The following RBFOX1 variants were observed in gnomAD, a reference collection of about 807,000 sequenced individuals.
The protein encoded by RBFOX1 is RNA binding protein fox-1 homolog 1.
Under a neutral mutation model 57.7 loss-of-function variants are expected in RBFOX1, and 8 were observed. That is an observed-to-expected ratio of 0.14 (90% CI 0.08 to 0.25). The LOEUF is 0.25. Among genes scored for constraint, RBFOX1 ranks in the 10% least tolerant of loss-of-function variants. RBFOX1 has a pLI of 1.00. For missense variants in RBFOX1, 611 were observed against 548.5 expected (o/e 1.11, Z -1.14); for synonymous variants, 326 against 222.4 (o/e 1.47, Z -4.15).
intron 4 of RBFOX1, among the ~76,000 whole-genome samples, chr16:7,283,157 G>A (rs1201258553): frequency 6.6e-6 from 1 of 151,974 alleles, no homozygotes; most frequent in Non-Finnish European, 1.5e-5. Flanking sequence ...CTACATTTAG[G>A]TCTTTAAGGA....
At chr16:7,470,283 G>A (rs769570516) in intron 4 of RBFOX1, among the ~76,000 whole-genome samples, 4 of 152,190 alleles carry the variant, frequency 2.6e-5, no homozygotes, top group Non-Finnish European at 5.9e-5. Context: ...CTTAGTGCAG[G>A]TGCCCTGCCA....
intron 4 of RBFOX1, among the ~76,000 whole-genome samples, chr16:7,138,733 A>G (rs1242828039): frequency 6.6e-6 from 1 of 152,188 alleles, no homozygotes; most frequent in Non-Finnish European, 1.5e-5. Flanking sequence ...TGCAGGCCGT[A>G]TGCTTGAGAC....
intron 3 of RBFOX1, among the ~76,000 whole-genome samples, chr16:5,833,356 A>G (rs946274891): frequency 6.6e-6 from 1 of 151,968 alleles, no homozygotes; most frequent in Non-Finnish European, 1.5e-5. Context: ...TTAGCCGGGC[A>G]TGGTGGCAGG....
At chr16:6,788,431 C>T (rs537342766) in intron 3 of RBFOX1, among the ~76,000 whole-genome samples, 5 of 151,384 alleles carry the variant, frequency 3.3e-5, no homozygotes, top group African/African-American at 4.9e-5. Context: ...GCTTTGGACA[C>T]AGGTGCTGCA....
intron 1 of RBFOX1, among the ~76,000 whole-genome samples, chr16:6,251,402 C>T (rs1471710597): frequency 3.3e-5 from 5 of 152,124 alleles, no homozygotes; most frequent in African/African-American, 9.7e-5. Flanking sequence ...GTCACACAGT[C>T]AGTGTGTGGA....
chr16:5,333,955 G>C (rs893841090), intron 1 of RBFOX1, among the ~76,000 whole-genome samples: 13 of 152,200 alleles, frequency 8.5e-5, no homozygotes, highest in African/African-American at 3.1e-4. Context: ...ACATGACTTT[G>C]TAAGAGTTAA....
intron 1 of RBFOX1, among the ~76,000 whole-genome samples, chr16:5,281,601 A>G (rs980199890): frequency 1.8e-4 from 28 of 152,126 alleles, no homozygotes; most frequent in African/African-American, 4.6e-4. Context: ...GTGTGTCTGT[A>G]TGCTCTTATG....
At chr16:6,869,409 C>A (rs1443985644) in intron 3 of RBFOX1, among the ~76,000 whole-genome samples, 1 of 151,784 alleles carries the variant, frequency 6.6e-6, no homozygotes, top group Admixed American at 6.6e-5. Flanking sequence ...GCTCCAAATT[C>A]TGTTATTAAC....
rs967292282 is a variant in RBFOX1, at chr16:7,161,495, G to T, written c.27+109397G>T. On this transcript the variant is annotated intron_variant, in intron 4 of 15. Transcript: ENST00000550418. ...CCTGTAATTCTTTCTTCACTCTTAGGGGTTAGGAATCATTTTTAATTCCTA... is the reference window on the plus strand; with the variant it reads ...CCTGTAATTCTTTCTTCACTCTTAGTGGTTAGGAATCATTTTTAATTCCTA... 2.0e-5 allele frequency among the ~76,000 whole-genome samples: 3 copies of T among 152,020 alleles called. No individual in the cohort carries two copies. In the South Asian group the frequency reaches 6.2e-4, roughly 32 times the overall value.
At chr16:7,441,203 G>A (rs556230308) in intron 4 of RBFOX1, among the ~76,000 whole-genome samples, 6 of 152,152 alleles carry the variant, frequency 3.9e-5, no homozygotes, top group East Asian at 1.9e-4. Flanking sequence ...TGCTGCATGC[G>A]CATGACTTGG....
At chr16:7,473,791 A>G (rs4141146) in intron 4 of RBFOX1, among the ~76,000 whole-genome samples, 93,979 of 151,662 alleles carry the variant, frequency 0.62, 30,301 homozygotes, top group African/African-American at 0.8. Context: ...GTGTGTAGAC[A>G]TTCATTCTCA....
chr16:6,442,445 TA>T (rs1489097137), intron 2 of RBFOX1, among the ~76,000 whole-genome samples: 1 of 151,742 alleles, frequency 6.6e-6, no homozygotes, highest in Non-Finnish European at 1.5e-5. Flanking sequence ...TAATCCCAGC[TA>T]CTCAGGAGGC....
chr16:5,593,363 G>T (rs1320771078), intron 2 of RBFOX1, among the ~76,000 whole-genome samples: 2 of 152,070 alleles, frequency 1.3e-5, no homozygotes, highest in East Asian at 3.9e-4. Flanking sequence ...TTAGGGGAGG[G>T]ATAGCATTAG....
chr16:5,362,355 T>A (rs2065576691), intron 1 of RBFOX1, among the ~76,000 whole-genome samples: 1 of 152,016 alleles, frequency 6.6e-6, no homozygotes, highest in African/African-American at 2.4e-5. Context: ...CACGCCCAGA[T>A]GGTTTTTGTA....
At chr16:5,966,529 C>G (rs905374915) in intron 4 of RBFOX1, among the ~76,000 whole-genome samples, 1 of 152,224 alleles carries the variant, frequency 6.6e-6, no homozygotes, top group African/African-American at 2.4e-5. Context: ...GCGTTCTCGG[C>G]TCACTGCAAT....
chr16:7,644,530 C>T (rs1049471087), intron 11 of RBFOX1, among the ~76,000 whole-genome samples: 37 of 152,116 alleles, frequency 2.4e-4, no homozygotes, highest in African/African-American at 2.4e-4. Flanking sequence ...CCTCACAGGC[C>T]GCTCCTTAGC....
intron 2 of RBFOX1, among the ~76,000 whole-genome samples, chr16:6,420,364 C>T (rs6500782): frequency 1.7e-3 from 259 of 152,008 alleles, no homozygotes; most frequent in African/African-American, 5.9e-3. Flanking sequence ...CTACCTCTTT[C>T]ATTTTTTATT....
intron 3 of RBFOX1, among the ~76,000 whole-genome samples, chr16:6,853,307 C>A (rs1041384259): frequency 1.3e-5 from 2 of 152,122 alleles, no homozygotes; most frequent in Admixed American, 6.6e-5. Flanking sequence ...GATATTGTTT[C>A]TATGAGGATG....
chr16:6,951,102 T>C (rs1194004012), intron 3 of RBFOX1, among the ~76,000 whole-genome samples: 1 of 152,050 alleles, frequency 6.6e-6, no homozygotes, highest in African/African-American at 2.4e-5. Context: ...AGACAGGGAC[T>C]CCCTATGTTG....
Sources: gnomAD v4.1 joint callset for allele counts (sites outside exome capture counted in the v4.1 genomes callset) on GRCh38, gnomAD v4.1.1 for gene constraint, MANE v1.5 for transcripts, NCBI Gene and HGNC (gene_info 2026-07-23, HGNC 2026-07-21) for gene names.